The following SLC25A26 variants were observed in gnomAD, a reference collection of about 807,000 sequenced individuals.
SLC25A26 encodes the protein solute carrier family 25 member 26.
A neutral mutation model predicts 37.8 loss-of-function variants in SLC25A26; 36 were observed. The ratio of observed to expected loss-of-function variants is 0.95; its 90% CI spans 0.73 to 1.26. The LOEUF is 1.26. Ranked by LOEUF, SLC25A26 falls within the 50% of genes most tolerant of loss-of-function variation. The pLI is 0.00. For missense variants in SLC25A26, 390 were observed against 331.1 expected (o/e 1.18, Z -1.38); for synonymous variants, 129 against 122.5 (o/e 1.05, Z -0.35).
At chr3:66,230,996 G>A (rs1228342866) in intron 1 of SLC25A26, among the ~76,000 whole-genome samples, 1 of 152,016 alleles carries the variant, frequency 6.6e-6, no homozygotes, top group Non-Finnish European at 1.5e-5. Flanking sequence ...CCAACAGGGT[G>A]AAACTCTGCT....
chr3:66,310,751 A>C (rs1305085473), intron 5 of SLC25A26, among the ~76,000 whole-genome samples: 1 of 152,102 alleles, frequency 6.6e-6, no homozygotes, highest in Non-Finnish European at 1.5e-5. Context: ...TTGCTTATGA[A>C]GCTTAGTTTG....
chr3:66,263,999 G>A (rs1162008586), intron 5 of SLC25A26, among the ~76,000 whole-genome samples: 3 of 152,064 alleles, frequency 2.0e-5, no homozygotes, highest in Admixed American at 6.5e-5. Context: ...GTAACTTCGG[G>A]TCAGGCGTGG....
At chr3:66,195,915 A>T (rs1195868893) in intron 1 of SLC25A26, among the ~76,000 whole-genome samples, 1 of 152,242 alleles carries the variant, frequency 6.6e-6, no homozygotes, top group Non-Finnish European at 1.5e-5. Context: ...AAATTGTAGT[A>T]AAGGAACTAT....
intron 1 of SLC25A26, among the ~76,000 whole-genome samples, chr3:66,186,807 C>G (rs962556122): frequency 6.6e-6 from 1 of 151,974 alleles, no homozygotes; most frequent in South Asian, 2.1e-4. Context: ...CACCATGGCC[C>G]TGAGCCTGAC....
chr3:66,309,517 T>C lies in SLC25A26; in HGVS notation c.454-36847T>C, dbSNP rs888496557. 6.6e-4 allele frequency among the ~76,000 whole-genome samples: 100 copies of C among 152,160 alleles called. 1 individual carries two copies. The highest frequency in any genetic ancestry group is 1.3e-4 in the Non-Finnish European group (9 of 68,042). ...GTCTCTATATCCTTCAATTCTGCTC[T>C]GATCTTAATTATTTCTTGTCTTCTG... On this transcript the variant is annotated intron_variant, in intron 5 of 9. Coordinates refer to ENST00000354883, the MANE Select transcript of SLC25A26 (RefSeq NM_001379210.1).
intron 5 of SLC25A26, among the ~76,000 whole-genome samples, chr3:66,321,778 G>A (rs1301210065): frequency 2.7e-5 from 4 of 150,192 alleles, no homozygotes; most frequent in Non-Finnish European, 4.4e-5. Flanking sequence ...TATTTTGAGA[G>A]TGGTGTATGC....
At chr3:66,172,814 C>A (rs1559559869) in intron 1 of SLC25A26, among the ~76,000 whole-genome samples, 1 of 152,164 alleles carries the variant, frequency 6.6e-6, no homozygotes, top group Non-Finnish European at 1.5e-5. Context: ...TCACATGGTG[C>A]TCTTCCTGGA....
rs891480428 is a variant in SLC25A26 at position 66,226,296 on chromosome 3, A to G, written c.33+5169A>G. 1.1e-4 allele frequency among the ~76,000 whole-genome samples: 16 copies of G among 152,262 alleles called. No homozygotes were observed. The East Asian group carries it at 3.1e-3, about 29-fold the overall frequency. On this transcript the variant is annotated intron_variant, in intron 1 of 9. Transcript: ENST00000354883. ...AGCGTATGCAGGAGAACTCCCCTTT[A>G]TGAGATCATCAGATCTTGTGAGACT...
intron 1 of SLC25A26, among the ~76,000 whole-genome samples, chr3:66,162,161 T>C (rs1209369946): frequency 6.6e-6 from 1 of 152,134 alleles, no homozygotes; most frequent in African/African-American, 2.4e-5. Context: ...TCACGTGGTC[T>C]TCCCTCTGTG....
intron 5 of SLC25A26, among the ~76,000 whole-genome samples, chr3:66,288,339 TA>T (rs1170633861): frequency 2.0e-5 from 3 of 152,158 alleles, no homozygotes; most frequent in Non-Finnish European, 4.4e-5. Context: ...TTAAAAAAAT[TA>T]AACTTTAAGT....
intron 5 of SLC25A26, among the ~76,000 whole-genome samples, chr3:66,263,956 C>T (rs2073640502): frequency 1.3e-5 from 2 of 152,078 alleles, no homozygotes; most frequent in African/African-American, 4.8e-5. Flanking sequence ...CCGCGCCCGG[C>T]CTCCCGGCCT....
chr3:66,267,634 G>T (rs1352937546), intron 5 of SLC25A26, among the ~76,000 whole-genome samples: 2 of 152,134 alleles, frequency 1.3e-5, no homozygotes, highest in Non-Finnish European at 2.9e-5. Flanking sequence ...ATAACTCCTG[G>T]TTTCTTTTCG....
intron 3 of SLC25A26, among the ~76,000 whole-genome samples, chr3:66,258,249 C>T (rs888067844): frequency 6.6e-6 from 1 of 152,104 alleles, no homozygotes; most frequent in Admixed American, 6.5e-5. Context: ...GCCTGTTCTC[C>T]TTGCCTTCAA....
intron 1 of SLC25A26, among the ~76,000 whole-genome samples, chr3:66,152,582 C>T (rs1310803532): frequency 1.3e-5 from 2 of 151,792 alleles, no homozygotes; most frequent in Non-Finnish European, 2.9e-5. Flanking sequence ...CCAGCTGTCA[C>T]ATCTCCATAT....
At position 66,312,409 on chromosome 3, in the gene SLC25A26, C is replaced by T. The variant is rs150957572; in HGVS notation, c.454-33955C>T. Among the ~76,000 whole-genome samples, 763 of 152,272 alleles carry T rather than the reference C, an allele frequency of 5.0e-3. 11 individuals are homozygous for T. The highest frequency in any genetic ancestry group is 0.014 in the African/African-American group (565 of 41,562). ...AGAATTTCAAGCCAGTGGATCTTAG[C>T]TTGCTGGGCTCTGTGGGGGTGGAGC... On this transcript the variant is annotated intron_variant, in intron 5 of 9. Coordinates refer to ENST00000354883, the MANE Select transcript of SLC25A26 (RefSeq NM_001379210.1).
At chr3:66,141,129 T>C (rs532732222) in intron 1 of SLC25A26, among the ~76,000 whole-genome samples, 117 of 151,954 alleles carry the variant, frequency 7.7e-4, no homozygotes, top group African/African-American at 2.5e-3. Flanking sequence ...ATTGTATTTA[T>C]GTCAATTTCT....
At chr3:66,178,591 AC>A (rs2070634885) in intron 1 of SLC25A26, among the ~76,000 whole-genome samples, 1 of 152,166 alleles carries the variant, frequency 6.6e-6, no homozygotes, top group African/African-American at 2.4e-5. Flanking sequence ...CTAAGAGCAT[AC>A]AAGTCCTTAT....
chr3:66,184,984 T>C (rs2070798006), intron 1 of SLC25A26, among the ~76,000 whole-genome samples: 1 of 152,108 alleles, frequency 6.6e-6, no homozygotes, highest in Non-Finnish European at 1.5e-5. Context: ...AATATAAAAT[T>C]TACCATCTTA....
chr3:66,329,826 G>A (rs530112736), intron 5 of SLC25A26, among the ~76,000 whole-genome samples: 9 of 152,208 alleles, frequency 5.9e-5, no homozygotes, highest in African/African-American at 1.9e-4. Flanking sequence ...GACTCCCAAT[G>A]TGCTGGGATT....
Sources: allele counts gnomAD v4.1 joint callset (sites outside exome capture counted in the v4.1 genomes callset), GRCh38; gene constraint gnomAD v4.1.1; transcripts MANE v1.5; gene names NCBI Gene and HGNC (gene_info 2026-07-23, HGNC 2026-07-21).